Variants in WNK3 observed in about 807,000 individuals in gnomAD.
WNK3 encodes the protein serine/threonine-protein kinase WNK3.
In WNK3, 18 loss-of-function variants were observed where a neutral mutation model predicts 116.7. The ratio of observed to expected loss-of-function variants is 0.15; its 90% CI spans 0.11 to 0.23. The LOEUF (loss-of-function observed/expected upper bound fraction) is 0.23. Among genes scored for constraint, WNK3 ranks in the 10% least tolerant of loss-of-function variants. The pLI is 1.00. For missense variants in WNK3, 993 were observed against 1,323.8 expected (o/e 0.75, Z 3.88); for synonymous variants, 404 against 469.4 (o/e 0.86, Z 1.80).
chrX:54,296,082 T>C (rs1389552049), intron 7 of WNK3, among the ~76,000 whole-genome samples: 1 of 111,903 alleles, frequency 8.9e-6, no homozygotes, highest in Non-Finnish European at 1.9e-5. Context: ...ACCAACATTC[T>C]AGGCAGAGGC....
chrX:54,326,980 A>G (rs1469103157), intron 2 of WNK3, among the ~76,000 whole-genome samples: 4 of 111,379 alleles, frequency 3.6e-5, no homozygotes, highest in Non-Finnish European at 7.5e-5. Context: ...CTGATGGAGC[A>G]TAGGAGTTTG....
rs1359417625 is a variant in WNK3 at position 54,307,915 on chromosome X, T to C, written c.1089+7A>G. 2 of 1,166,977 alleles carry C rather than the reference T, an allele frequency of 1.7e-6. No individual in the cohort carries two copies. The highest frequency in any genetic ancestry group is 2.3e-6 in the Non-Finnish European group (2 of 873,817). On this transcript the variant is annotated splice_region_variant and intron_variant, in intron 5 of 23. Transcript: ENST00000354646. ...TGATAAAGTAAAAAGAAAAAAGTTA[T>C]ACCTACACTAGTTACTTTCCGGTAT...
intron 20 of WNK3, among the ~76,000 whole-genome samples, chrX:54,235,355 G>A (rs897221197): frequency 8.0e-5 from 9 of 111,873 alleles, no homozygotes; most frequent in Non-Finnish European, 1.1e-4. Context: ...GTGCGATCTC[G>A]ACTCACTGCA....
intron 2 of WNK3, among the ~76,000 whole-genome samples, chrX:54,327,508 C>T (rs2069119468): frequency 9.0e-6 from 1 of 111,598 alleles, no homozygotes. Context: ...GGTATTAAAA[C>T]CTATTGTTGA....
At chrX:54,226,397 G>GA (rs1204815355) in intron 22 of WNK3, among the ~76,000 whole-genome samples, 2 of 104,264 alleles carry the variant, frequency 1.9e-5, no homozygotes, top group Non-Finnish European at 3.9e-5. Flanking sequence ...TTGAACCTGG[G>GA]AGGTGGAGGT....
Position 54,248,569 on chromosome X carries a change from A to C in WNK3, c.3651+128T>G, listed in dbSNP as rs56197403. On this transcript the variant is annotated intron_variant, in intron 17 of 23. Coordinates refer to ENST00000354646, the Ensembl canonical transcript of WNK3. ...GCAGCCTAAGTCATAGCCTTCTTAA[A>C]TACCTGTGACCTCAGCATCTTGTGA... The C allele has an allele frequency of 4.6e-3, 2,573 of 558,060 alleles. 11 individuals carry two copies. Among genetic ancestry groups the C allele is most frequent in the Non-Finnish European group, 4.9e-3 (1,764 of 358,049 alleles). 46.0% of individuals were successfully genotyped at this position (558,060 alleles called of 1,213,427 possible).
At chrX:54,246,754 C>T (rs1424921679) in intron 17 of WNK3, among the ~76,000 whole-genome samples, 4 of 111,496 alleles carry the variant, frequency 3.6e-5, no homozygotes, top group African/African-American at 1.3e-4. Flanking sequence ...AAATTCAGGC[C>T]CTCAGTTGCA....
At chrX:54,242,243 T>C (rs782285004) in intron 17 of WNK3, among the ~76,000 whole-genome samples, 16 of 110,998 alleles carry the variant, frequency 1.4e-4, no homozygotes, top group African/African-American at 4.6e-4. Context: ...AACCAAGGAG[T>C]GAAAGTCTTA....
At chrX:54,238,922 C>T in exon 18 of WNK3, 1 of 1,206,221 alleles carries the variant, frequency 8.3e-7, no homozygotes, top group East Asian at 3.0e-5. Flanking sequence ...AGCCTGTATG[C>T]CCAGCTTTTT....
intron 10 of WNK3, among the ~76,000 whole-genome samples, chrX:54,288,469 T>G (rs1233770648): frequency 9.0e-6 from 1 of 111,172 alleles, no homozygotes; most frequent in African/African-American, 3.3e-5. Context: ...GATGAATGAG[T>G]CATCTGCTGC....
chrX:54,228,895 G>C (rs2067871408), intron 21 of WNK3, among the ~76,000 whole-genome samples, 152 bp from the exon 22 acceptor site: 1 of 111,537 alleles, frequency 9.0e-6, no homozygotes, highest in South Asian at 3.7e-4. Flanking sequence ...GCAAAAGACA[G>C]AAGGCTTTCT....
intron 2 of WNK3, among the ~76,000 whole-genome samples, chrX:54,329,204 C>G (rs2069139148): frequency 8.9e-6 from 1 of 112,011 alleles, no homozygotes; most frequent in African/African-American, 3.2e-5. Flanking sequence ...GATTCTGATT[C>G]AGAATGTCTG....
At chrX:54,198,967 A>G (rs2067475707) in intron 23 of WNK3, among the ~76,000 whole-genome samples, 2 of 111,715 alleles carry the variant, frequency 1.8e-5, no homozygotes, top group South Asian at 7.6e-4. Context: ...AAAGTTAATG[A>G]AAATTATTTC....
intron 1 of WNK3, among the ~76,000 whole-genome samples, chrX:54,345,923 A>G (rs782648673): frequency 5.4e-5 from 6 of 110,591 alleles, no homozygotes; most frequent in Non-Finnish European, 9.4e-5. Context: ...TTTTCTGTGT[A>G]AAATACTTCC....
At chrX:54,232,754 A>G (rs1215283356) in intron 21 of WNK3, 55 bp downstream of exon 21, 2 of 998,821 alleles carry the variant, frequency 2.0e-6, no homozygotes, top group African/African-American at 1.9e-5. Flanking sequence ...TCATTTTACT[A>G]ATTTTGCTAA....
exon 2 of WNK3, chrX:54,333,293 C>T: frequency 8.3e-7 from 1 of 1,211,353 alleles, no homozygotes; most frequent in Non-Finnish European, 1.1e-6. Flanking sequence ...CTTCCATTTC[C>T]TTTTCATTTT....
chrX:54,324,621 G>A (rs1046643271), intron 2 of WNK3, among the ~76,000 whole-genome samples: 1 of 112,121 alleles, frequency 8.9e-6, no homozygotes, highest in South Asian at 3.7e-4. Context: ...ATGTAATCAC[G>A]CTTTGTCCAT....
At chrX:54,310,282 T>C (rs181202286) in intron 3 of WNK3, among the ~76,000 whole-genome samples, 158 of 110,501 alleles carry the variant, frequency 1.4e-3, no homozygotes, top group Middle Eastern at 9.5e-3. Flanking sequence ...GCCTCACTCC[T>C]ATAACCCTAG....
intron 17 of WNK3, among the ~76,000 whole-genome samples, chrX:54,240,866 T>A (rs1557151399): frequency 8.9e-6 from 1 of 111,738 alleles, no homozygotes; most frequent in Non-Finnish European, 1.9e-5. Context: ...CACCATCACA[T>A]ACAAGTCTTT....
Sources: gnomAD v4.1 joint callset for allele counts (sites outside exome capture counted in the v4.1 genomes callset) on GRCh38, gnomAD v4.1.1 for gene constraint, MANE v1.5 for transcripts, NCBI Gene and HGNC (gene_info 2026-07-23, HGNC 2026-07-21) for gene names.